BUB1B: variants seen among roughly 807,000 people sequenced by gnomAD.
The protein encoded by BUB1B is BUB1 mitotic checkpoint serine/threonine kinase B.
A neutral mutation model predicts 137.7 loss-of-function variants in BUB1B; 86 were observed. That is an observed-to-expected ratio of 0.62 (90% CI 0.52 to 0.75). The LOEUF (loss-of-function observed/expected upper bound fraction) is 0.75, where lower values mean the gene tolerates loss of function less well. BUB1B is among the 30% of genes least tolerant of loss of function. BUB1B has a pLI of 0.00. For missense variants in BUB1B, 1,130 were observed against 1,236.9 expected, an observed-to-expected ratio of 0.91 and a Z score of 1.30; for synonymous variants, 420 against 417.9, an observed-to-expected ratio of 1.00 and a Z score of -0.06.
chr15:40,217,443 A>T, intron 20 of BUB1B, 53 bp from the exon 21 acceptor site: 7,835 of 1,107,022 alleles, frequency 7.1e-3, no homozygotes, highest in Non-Finnish European at 9.8e-3. Flanking sequence ...CCAGCTATGC[A>T]GCTTCTTTCA....
At chr15:40,213,693 AC>A (rs2037742090) in intron 20 of BUB1B, among the ~76,000 whole-genome samples, 1 of 151,896 alleles carries the variant, frequency 6.6e-6, no homozygotes, top group African/African-American at 2.4e-5. Context: ...GCACCACCAC[AC>A]CTGGCTAATT....
chr15:40,178,630 CTTG>C (rs1363735434), intron 5 of BUB1B, among the ~76,000 whole-genome samples: 1 of 152,002 alleles, frequency 6.6e-6, no homozygotes, highest in Non-Finnish European at 1.5e-5. Context: ...TTTCTGTCTA[CTTG>C]TTATATCAAT....
chr15:40,197,877 A>C (rs1017945114), intron 9 of BUB1B, among the ~76,000 whole-genome samples: 3 of 152,240 alleles, frequency 2.0e-5, no homozygotes, highest in African/African-American at 7.2e-5. Flanking sequence ...CTTTTAAAAA[A>C]GGAGAACCAC....
chr15:40,172,034 G>A (rs1353290889), intron 4 of BUB1B, among the ~76,000 whole-genome samples: 2 of 150,660 alleles, frequency 1.3e-5, no homozygotes, highest in African/African-American at 4.9e-5. Flanking sequence ...TAAATCTCTT[G>A]GCATTAAAAC....
Position 40,213,616 on chromosome 15 carries a change from G to A in BUB1B, c.2678+142G>A, listed in dbSNP as rs990465148. 1.5e-5 allele frequency: 13 copies of A among 886,774 alleles called. No individual in the cohort carries two copies. In the African/African-American group the frequency reaches 2.0e-4, roughly 14 times the overall value. The allele number at this position is 886,774 out of a possible 1,614,324, so 54.9% of individuals were successfully genotyped here. A position where few individuals can be genotyped will look rare whatever the true frequency, so the allele number is the denominator to read the frequency against. ...AGTGGCATGATCTTGGCTCACTGCA[G>A]CCTCCATCTCCCAGGTTCAAACGAT... On this transcript the variant is annotated intron_variant, in intron 20 of 22. Coordinates refer to ENST00000287598, the MANE Select transcript of BUB1B (RefSeq NM_001211.6).
In BUB1B at chr15:40,185,396, C is replaced by G; in HGVS notation, c.966+17C>G. 1.2e-6 allele frequency: 2 copies of G among 1,612,834 alleles called. No homozygotes were observed. Among genetic ancestry groups the G allele is most frequent in the Non-Finnish European group, 1.7e-6 (2 of 1,179,128 alleles). On this transcript the variant is annotated intron_variant, in intron 7 of 22. Transcript: ENST00000287598. ...GAACACAGGGTAAGGACTCTTAGAT[C>G]CAGTGCTTTGCTGACACAACAAAGA... is the stretch of plus-strand genomic sequence containing the variant.
chr15:40,170,668 T>G lies in BUB1B; in HGVS notation c.371T>G (p.Leu124Arg). The G allele has an allele frequency of 6.2e-7, 1 of 1,613,704 alleles. No homozygotes were observed. The highest frequency in any genetic ancestry group is 1.1e-5 in the South Asian group (1 of 91,068). ...TATAGTGATCCTCGATTTCTCAATC[T>G]CTGGCTTAAATTAGTAAGTCTTTCT... ...RYYSDPRFLN[L>R]WLKLGRLCNE... The change falls in exon 4 of 23, where the codon CTC becomes CGC. Residue 124 changes from leucine (L) to arginine (R), a missense_variant. Leu to Arg is a moderately radical substitution (Grantham distance 102, BLOSUM62 -2). Coordinates refer to ENST00000287598, the MANE Select transcript of BUB1B (RefSeq NM_001211.6).
intron 1 of BUB1B, among the ~76,000 whole-genome samples, chr15:40,163,449 A>G (rs887295665): frequency 6.6e-6 from 1 of 152,178 alleles, no homozygotes; most frequent in African/African-American, 2.4e-5. Context: ...AATCATATAA[A>G]TGCATGACAA....
chr15:40,171,013 G>T (rs535463351), intron 4 of BUB1B, among the ~76,000 whole-genome samples: 3 of 152,210 alleles, frequency 2.0e-5, no homozygotes, highest in African/African-American at 7.2e-5. Context: ...ATGGCTCACT[G>T]CAGTCTAAAC....
At chr15:40,193,357 G>T (rs1227088181) in intron 8 of BUB1B, among the ~76,000 whole-genome samples, 2 of 150,954 alleles carry the variant, frequency 1.3e-5, no homozygotes, top group Non-Finnish European at 3.0e-5. Flanking sequence ...CACTCTAATA[G>T]GTGTGCAGCA....
At chr15:40,202,294 C>T (rs1402922370) in intron 12 of BUB1B, 111 bp from the exon 13 acceptor site, 5 of 896,642 alleles carry the variant, frequency 5.6e-6, no homozygotes, top group East Asian at 2.5e-5. Flanking sequence ...ATTAAAAAAA[C>T]AGGTTGCCTT....
At position 40,200,984 on chromosome 15, in the gene BUB1B, A is replaced by AG; in HGVS notation, c.1567+5dup. On this transcript the variant is annotated splice_donor_region_variant and intron_variant, in intron 12 of 22. Transcript: ENST00000287598. ...CAGGAACAACCTCATTCTAAAGGTG[A>AG]GTTGTATTTGACAGCCTTGAGAAGA... 6.2e-7 allele frequency: 1 copy of AG among 1,612,792 alleles called. No homozygotes were observed. Among genetic ancestry groups the AG allele is most frequent in the Non-Finnish European group, 8.5e-7 (1 of 1,179,096 alleles).
intron 11 of BUB1B, 111 bp from the exon 12 acceptor site, chr15:40,200,820 T>G (rs1011389376): frequency 2.3e-6 from 2 of 877,892 alleles, no homozygotes; most frequent in Non-Finnish European, 1.8e-6. Context: ...CAGTAATAAT[T>G]TATCTTAGAG....
intron 5 of BUB1B, among the ~76,000 whole-genome samples, chr15:40,181,941 C>T (rs746054316): frequency 9.9e-5 from 15 of 152,194 alleles, no homozygotes; most frequent in East Asian, 1.9e-4. Flanking sequence ...CAGTGGCTCA[C>T]GCCTGTAATC....
intron 11 of BUB1B, 34 bp downstream of exon 11, chr15:40,200,393 T>C (rs776756678): frequency 1.3e-6 from 2 of 1,544,504 alleles, no homozygotes; most frequent in Admixed American, 1.7e-5. Context: ...ACAATGCATA[T>C]AGGAGGGCAT....
intron 16 of BUB1B, 133 bp downstream of exon 16, chr15:40,208,903 A>T: frequency 1.1e-6 from 1 of 904,722 alleles, no homozygotes; most frequent in African/African-American, 1.6e-5. Context: ...GGCACAATCA[A>T]ACTCACTGGG....
chr15:40,200,297 G>A lies in BUB1B; in HGVS notation c.1455G>A (p.Glu485=), dbSNP rs1302151758. The A allele has an allele frequency of 6.2e-7, 1 of 1,613,960 alleles. No individual in the cohort carries two copies. The highest frequency in any genetic ancestry group is 1.7e-5 in the Admixed American group (1 of 60,018). ...CAACTAAACTGCAAATTGCTTCCGAGTCTCAGAAAATACCAGGAATGACTC... is the reference window on the plus strand; with the variant it reads ...CAACTAAACTGCAAATTGCTTCCGAATCTCAGAAAATACCAGGAATGACTC... ...KETTKLQIAS[E]SQKIPGMTLS... Residue 485 remains glutamate (E), a synonymous_variant, in exon 11 of 23, where the codon GAG becomes GAA. Transcript: ENST00000287598.
At position 40,210,094 on chromosome 15, in the gene BUB1B, C is replaced by A; in HGVS notation, c.2285-16C>A. 1 of 1,574,852 alleles carries A rather than the reference C, an allele frequency of 6.3e-7. No homozygotes were observed. The highest frequency in any genetic ancestry group is 1.1e-5 in the South Asian group (1 of 90,260). ...GTTCACAGTGATTTTTAAATGGAAT[C>A]AAACTTTCTCAACAGGTAATGAGGA... On this transcript the variant is annotated splice_polypyrimidine_tract_variant and intron_variant, in intron 17 of 22. Coordinates refer to ENST00000287598, the MANE Select transcript of BUB1B (RefSeq NM_001211.6).
rs749377720 is a variant in BUB1B at position 40,185,558 on chromosome 15, G to A, written c.974G>A (p.Gly325Asp). 56 of 1,613,990 alleles carry A rather than the reference G, an allele frequency of 3.5e-5. No homozygotes were observed. Among genetic ancestry groups the A allele is most frequent in the Non-Finnish European group, 4.6e-5 (54 of 1,180,016 alleles). The change falls in exon 8 of 23, where the codon GGC becomes GAC. Residue 325 changes from glycine to aspartate, a missense_variant. By Grantham distance (94) the Gly-to-Asp change is moderately conservative (BLOSUM62 -1). Coordinates refer to ENST00000287598, the MANE Select transcript of BUB1B (RefSeq NM_001211.6). ...TGRSLEHRPRGNTASLIAVPA... is the reference protein window; with the variant it reads ...TGRSLEHRPRDNTASLIAVPA... ...TTTCTTCTTCATCTCCAGCCTCGTG[G>A]CAATACAGCTTCACTGATAGCTGTA...
Sources: gnomAD v4.1 joint callset for allele counts (sites outside exome capture counted in the v4.1 genomes callset) on GRCh38, gnomAD v4.1.1 for gene constraint, MANE v1.5 for transcripts, NCBI Gene and HGNC (gene_info 2026-07-23, HGNC 2026-07-21) for gene names.